GAN: variants seen among roughly 807,000 people sequenced by gnomAD.
GAN encodes gigaxonin.
A neutral mutation model predicts 71.3 loss-of-function variants in GAN; 48 were observed. The observed-to-expected ratio is 0.67, with a 90% CI of 0.53 to 0.86. The LOEUF is 0.86. Ranked by LOEUF, GAN falls within the 40% of genes least tolerant of loss-of-function variation. The pLI is 0.00. For missense variants in GAN, 928 were observed against 770.1 expected, an observed-to-expected ratio of 1.21 and a Z score of -2.43; for synonymous variants, 386 against 276.8, an observed-to-expected ratio of 1.39 and a Z score of -3.92.
At chr16:81,317,048 G>C (rs1010698363) in intron 1 of GAN, among the ~76,000 whole-genome samples, 1 of 151,980 alleles carries the variant, frequency 6.6e-6, no homozygotes, top group Non-Finnish European at 1.5e-5. Context: ...TAGTAGAGTC[G>C]GGGTTTTACC....
At chr16:81,336,910 T>C (rs1283317993) in intron 1 of GAN, among the ~76,000 whole-genome samples, 1 of 152,122 alleles carries the variant, frequency 6.6e-6, no homozygotes, top group East Asian at 1.9e-4. Context: ...GGTATACATT[T>C]GTTACAATTC....
intron 1 of GAN, among the ~76,000 whole-genome samples, chr16:81,332,834 C>T (rs763630322): frequency 1.3e-5 from 2 of 152,166 alleles, no homozygotes; most frequent in East Asian, 1.9e-4. Flanking sequence ...TTGGCAAGAA[C>T]CCCATGGAAG....
At chr16:81,329,350 C>T (rs1276813009) in intron 1 of GAN, among the ~76,000 whole-genome samples, 1 of 152,112 alleles carries the variant, frequency 6.6e-6, no homozygotes, top group African/African-American at 2.4e-5. Flanking sequence ...TCCTGGGTTG[C>T]CGCCCTCAAA....
At position 81,354,483 on chromosome 16, in the gene GAN, T is replaced by C; in HGVS notation, c.361T>C (p.Cys121Arg). The C allele has an allele frequency of 1.2e-6, 2 of 1,614,086 alleles. No individual in the cohort carries two copies. Among genetic ancestry groups the C allele is most frequent in the Non-Finnish European group, 1.7e-6 (2 of 1,179,914 alleles). Residue 121 changes from cysteine (C) to arginine (R), a missense_variant, in exon 3 of 11, where the codon TGC becomes CGC. Transcript: ENST00000648994. The part of the protein sequence containing the change: ...LLLLTDLKTL[C>R]CEFLEGCIAA... ...GCTACTGACGGACCTTAAAACCCTG[T>C]GCTGTGAGTTTTTGGAAGGCTGCAT...
At chr16:81,365,134 T>C in intron 8 of GAN, 24 bp downstream of exon 8, 2 of 1,611,586 alleles carry the variant, frequency 1.2e-6, no homozygotes, top group Non-Finnish European at 8.5e-7. Flanking sequence ...GGGTGGACTT[T>C]GTAGATTCCC....
chr16:81,372,963 AC>A (rs1342778612), intron 9 of GAN, among the ~76,000 whole-genome samples: 1 of 152,174 alleles, frequency 6.6e-6, no homozygotes, highest in East Asian at 1.9e-4. Flanking sequence ...ACTACCTGAC[AC>A]CCATCAACAT....
chr16:81,343,191 A>G (rs1567486684), intron 1 of GAN, among the ~76,000 whole-genome samples: 2 of 152,154 alleles, frequency 1.3e-5, no homozygotes, highest in African/African-American at 4.8e-5. Flanking sequence ...GCCGAGTTCT[A>G]TAAAGAGGAG....
chr16:81,320,516 A>G (rs1459112379), intron 1 of GAN, among the ~76,000 whole-genome samples: 1 of 152,240 alleles, frequency 6.6e-6, no homozygotes, highest in Non-Finnish European at 1.5e-5. Context: ...AGTAATGTTC[A>G]GTTAATAATG....
At chr16:81,328,717 A>C (rs1909472936) in intron 1 of GAN, among the ~76,000 whole-genome samples, 1 of 151,222 alleles carries the variant, frequency 6.6e-6, no homozygotes, top group Non-Finnish European at 1.5e-5. Flanking sequence ...ACTTTTGGAA[A>C]TCATTTCTCA....
chr16:81,363,898 T>C lies in GAN; in HGVS notation c.1191T>C (p.Tyr397=). The change falls in exon 7 of 11, where the codon TAT becomes TAC. Residue 397 remains tyrosine, a synonymous_variant. Coordinates refer to ENST00000648994, the MANE Select transcript of GAN (RefSeq NM_022041.4). ...TTTCCATGGAGTGTTACGATATTTA[T>C]TCTAAAACCTGGACAAAGCAACCTG... ...ELISMECYDI[Y]SKTWTKQPDL... 1 of 1,613,536 alleles carries C rather than the reference T, an allele frequency of 6.2e-7. No homozygotes were observed. Among genetic ancestry groups the C allele is most frequent in the East Asian group, 2.2e-5 (1 of 44,870 alleles).
At chr16:81,332,410 T>G (rs1418552384) in intron 1 of GAN, among the ~76,000 whole-genome samples, 1 of 152,214 alleles carries the variant, frequency 6.6e-6, no homozygotes, top group Non-Finnish European at 1.5e-5. Context: ...GACTCATATT[T>G]AACTGGGTAT....
intron 1 of GAN, among the ~76,000 whole-genome samples, chr16:81,339,174 T>C (rs1350018056): frequency 6.6e-6 from 1 of 152,166 alleles, no homozygotes; most frequent in Non-Finnish European, 1.5e-5. Flanking sequence ...ACCGACAGAA[T>C]CCACATCACC....
At chr16:81,334,795 C>G (rs1023726105) in intron 1 of GAN, among the ~76,000 whole-genome samples, 5 of 152,296 alleles carry the variant, frequency 3.3e-5, no homozygotes, top group Non-Finnish European at 4.4e-5. Context: ...GGTCGTTTGA[C>G]TTCAGAACCA....
rs1040018913 is a variant in GAN, at chr16:81,358,484, T to C, written c.973+553T>C. ...ATTAGCCAGGCATAGTGGCATGCAC[T>C]TGTGGTCCCAGCTACTTGGGAGGCT... On this transcript the variant is annotated intron_variant, in intron 5 of 10. Coordinates refer to ENST00000648994, the MANE Select transcript of GAN (RefSeq NM_022041.4). Among the ~76,000 whole-genome samples, 3 of 151,928 alleles carry C rather than the reference T, an allele frequency of 2.0e-5. No homozygotes were observed. In the South Asian group the frequency reaches 6.2e-4, roughly 32 times the overall value.
At chr16:81,376,460 TAC>T (rs1904279911) in intron 9 of GAN, among the ~76,000 whole-genome samples, 1 of 139,860 alleles carries the variant, frequency 7.2e-6, no homozygotes, top group Non-Finnish European at 1.5e-5. Context: ...TCTTTATACA[TAC>T]ATATGTGTGT....
At position 81,332,674 on chromosome 16, in the gene GAN, A is replaced by T. The variant is rs1266108712; in HGVS notation, c.167+17394A>T. Among the ~76,000 whole-genome samples the T allele has an allele frequency of 4.6e-5, 7 of 152,172 alleles. No homozygotes were observed. The East Asian group carries it at 1.3e-3, about 29-fold the overall frequency. On this transcript the variant is annotated intron_variant, in intron 1 of 10. Coordinates refer to ENST00000648994, the MANE Select transcript of GAN (RefSeq NM_022041.4). Reference sequence around the variant, plus strand: ...GTGCTTGCAACTGCCATGTCTCCTTAGTCTCCAGTGTGTGGTGGTTCCTCA... The same window carrying T: ...GTGCTTGCAACTGCCATGTCTCCTTTGTCTCCAGTGTGTGGTGGTTCCTCA...
intron 1 of GAN, among the ~76,000 whole-genome samples, chr16:81,328,140 C>T (rs1193005361): frequency 3.9e-5 from 6 of 152,116 alleles, no homozygotes; most frequent in African/African-American, 1.2e-4. Context: ...TTCAAAATGA[C>T]GCGAACTAGA....
chr16:81,362,522 G>A lies in GAN; in HGVS notation c.997G>A (p.Gly333Ser). 1 of 1,605,472 alleles carries A rather than the reference G, an allele frequency of 6.2e-7. No homozygotes were observed. Among genetic ancestry groups the A allele is most frequent in the Admixed American group, 1.7e-5 (1 of 60,004 alleles). The part of the protein sequence containing the change: ...SAEGFLFVFG[G>S]QDENKQTLSS... ...AGAAGGATTTTTGTTTGTATTCGGG[G>A]GCCAAGATGAAAATAAGCAGACTCT... Residue 333 changes from glycine to serine, a missense_variant, in exon 6 of 11, where the codon GGC becomes AGC. Transcript: ENST00000648994.
intron 1 of GAN, among the ~76,000 whole-genome samples, chr16:81,323,270 G>T (rs967038109): frequency 2.0e-5 from 3 of 152,080 alleles, no homozygotes; most frequent in African/African-American, 4.8e-5. Context: ...TGTCTTGTGC[G>T]ACCAAAGCTA....
Sources: gnomAD v4.1 joint callset for allele counts (sites outside exome capture counted in the v4.1 genomes callset) on GRCh38, gnomAD v4.1.1 for gene constraint, MANE v1.5 for transcripts, NCBI Gene and HGNC (gene_info 2026-07-23, HGNC 2026-07-21) for gene names.